ZNF749: variants seen among roughly 807,000 people sequenced by gnomAD.
ZNF749 encodes the protein zinc finger protein 749.
ZNF749 carries 8 observed loss-of-function variants against 7.3 expected under a neutral mutation model. The observed-to-expected ratio is 1.10, with a 90% CI of 0.64 to 1.98. ZNF749 has a LOEUF of 1.98. Among genes scored for constraint, ZNF749 ranks in the 30% most tolerant of loss-of-function variants. ZNF749 has a pLI of 0.00. For synonymous variants in ZNF749, 310 were observed against 322.4 expected (o/e 0.96, Z 0.41); for missense variants, 898 against 932.4 (o/e 0.96, Z 0.48).
Position 57,443,893 on chromosome 19 carries a change from G to T in ZNF749, c.745G>T (p.Glu249Ter). The T allele has an allele frequency of 6.2e-7, 1 of 1,613,654 alleles. No individual in the cohort carries two copies. Among genetic ancestry groups the T allele is most frequent in the Non-Finnish European group, 8.5e-7 (1 of 1,179,610 alleles). ...TAAATATCAGCAAAATCATGCTGGA[G>T]AAAGGCCTTATGAGGGCACTGAATA... ...LIKYQQNHAG[E>*]RPYEGTEYGK... Residue 249 changes from glutamate (E) to a stop codon, truncating the protein, a stop_gained, in exon 3 of 3, where the codon GAA becomes TAA. Coordinates refer to ENST00000334181, the MANE Select transcript of ZNF749 (RefSeq NM_001023561.4). LOFTEE classifies it low-confidence loss of function (END_TRUNC).
chr19:57,431,673 A>G (rs2088899526), upstream of ZNF749, among the ~76,000 whole-genome samples: 1 of 152,162 alleles, frequency 6.6e-6, no homozygotes, highest in African/African-American at 2.4e-5. Flanking sequence ...AGAAAAAAAA[A>G]AAAGAAAAAG....
At chr19:57,434,540 G>A (rs1178934635), upstream of ZNF749, among the ~76,000 whole-genome samples, 3 of 152,040 alleles carry the variant, frequency 2.0e-5, no homozygotes, top group Non-Finnish European at 1.5e-5. Context: ...CCTTTCCAGA[G>A]GAATCCAATG....
At position 57,439,663 on chromosome 19, in the gene ZNF749, A is replaced by G. The variant is rs531307519; in HGVS notation, c.16-2222A>G. Among the ~76,000 whole-genome samples, 4 of 152,300 alleles carry G rather than the reference A, an allele frequency of 2.6e-5. No homozygotes were observed. The South Asian group carries it at 8.3e-4, about 32-fold the overall frequency. ...TCTCAGCTAATCGGCGTGCTGAGGC[A>G]GGAGGGTCACCTGAGCCTGGGAAGT... On this transcript the variant is annotated intron_variant, in intron 1 of 2. Coordinates refer to ENST00000334181, the MANE Select transcript of ZNF749 (RefSeq NM_001023561.4). This position sits in a 1 kb window ranked among gnomAD's most constrained non-coding sequence, Gnocchi z 4.3.
In ZNF749 at chr19:57,441,939, A is replaced by T. The variant is rs1441008204; in HGVS notation, c.70A>T (p.Ile24Phe). ...ATATTTCTCCCAAGAGGAATGGGGGATCCTTAATGATGCTCAGAGACACCT... is the reference window on the plus strand; with the variant it reads ...ATATTTCTCCCAAGAGGAATGGGGGTTCCTTAATGATGCTCAGAGACACCT... ...AIYFSQEEWG[I>F]LNDAQRHLHS... The change falls in exon 2 of 3, where the codon ATC (isoleucine) becomes TTC (phenylalanine). Residue 24 changes from isoleucine to phenylalanine, a missense_variant. Transcript: ENST00000334181. 2.5e-6 allele frequency: 4 copies of T among 1,614,066 alleles called. No individual in the cohort carries two copies. The African/African-American group carries it at 4.0e-5, about 16-fold the overall frequency.
At chr19:57,435,986 G>A (rs1015995303) in intron 1 of ZNF749, among the ~76,000 whole-genome samples, 1 of 152,188 alleles carries the variant, frequency 6.6e-6, no homozygotes, top group African/African-American at 2.4e-5. Context: ...GGGGGCAGGG[G>A]GACCGCTGAG....
Position 57,444,024 on chromosome 19 carries a change from C to T in ZNF749, c.876C>T (p.Leu292=), listed in dbSNP as rs1271651491. 4.3e-6 allele frequency: 7 copies of T among 1,613,834 alleles called. No homozygotes were observed. The highest frequency in any genetic ancestry group is 1.6e-4 in the Middle Eastern group (1 of 6,084). ...ACCCCATTGAACATCAGGAGATTCT[C>T]AGTAGACCAACACCTTATGAATGCA... ...RSDPIEHQEI[L]SRPTPYECTQ... Residue 292 remains leucine (L), a synonymous_variant, in exon 3 of 3, where the codon CTC becomes CTT. Transcript: ENST00000334181.
the ZNF749 span, among the ~76,000 whole-genome samples, chr19:57,429,785 A>G: frequency 6.6e-6 from 1 of 152,300 alleles, no homozygotes; most frequent in South Asian, 2.1e-4. The surrounding 1 kb of genome is among the most constrained non-coding windows in gnomAD (Gnocchi z 4.2). Flanking sequence ...AGTAGCTGAG[A>G]CCACAGGTGC....
chr19:57,443,176 G>A, intron 2 of ZNF749, 115 bp from the exon 3 acceptor site: 3 of 878,122 alleles, frequency 3.4e-6, no homozygotes, highest in Non-Finnish European at 5.3e-6. Flanking sequence ...TTATTTCCTT[G>A]CCTGTGACCA....
At chr19:57,434,190 C>T (rs2123086729), upstream of ZNF749, among the ~76,000 whole-genome samples, 1 of 152,238 alleles carries the variant, frequency 6.6e-6, no homozygotes, top group Middle Eastern at 3.4e-3. Flanking sequence ...CTCCGCCTCC[C>T]GGGTTCAAGC....
In ZNF749 at chr19:57,435,591, G is replaced by A. The variant is rs373773121; in HGVS notation, c.13G>A (p.Glu5Lys). The change falls in exon 1 of 3, where the codon GAG becomes AAG. Residue 5 changes from glutamate (E) to lysine (K), a missense_variant and splice_region_variant. Glu to Lys is a moderately conservative substitution (Grantham distance 56). Coordinates refer to ENST00000334181, the MANE Select transcript of ZNF749 (RefSeq NM_001023561.4). MNLT[E>K]DCMVFEDVAI... The stretch of plus-strand genomic sequence containing the variant: ...GGAGGCCGCGCCGATGAACCTGACC[G>A]AGGTGCGTGCAGCGTCCCAGGCCGC... The A allele has an allele frequency of 1.6e-5, 26 of 1,606,216 alleles. No individual in the cohort carries two copies. In the East Asian group the frequency reaches 3.8e-4, roughly 24 times the overall value.
At chr19:57,435,173 G>A (rs1191987851), upstream of ZNF749, among the ~76,000 whole-genome samples, 1 of 152,214 alleles carries the variant, frequency 6.6e-6, no homozygotes, top group African/African-American at 2.4e-5. Context: ...AGGCAGCAGC[G>A]TGGGAACTAC....
the ZNF749 span, among the ~76,000 whole-genome samples, chr19:57,429,669 AG>A: frequency 1.3e-4 from 19 of 151,810 alleles, no homozygotes; most frequent in East Asian, 3.7e-3. The surrounding 1 kb of genome is among the most constrained non-coding windows in gnomAD (Gnocchi z 4.2). Flanking sequence ...TTATTTTTTG[AG>A]GCAGGTCTTC....
upstream of ZNF749, among the ~76,000 whole-genome samples, chr19:57,431,613 A>G (rs1348101450): frequency 6.6e-6 from 1 of 152,148 alleles, no homozygotes; most frequent in Non-Finnish European, 1.5e-5. Flanking sequence ...AGCATGCAGA[A>G]AATCTGAGAA....
chr19:57,429,030 T>G, the ZNF749 span, among the ~76,000 whole-genome samples: 2,009 of 152,110 alleles, frequency 0.013, 36 homozygotes, highest in African/African-American at 0.046. The surrounding 1 kb of genome is among the most constrained non-coding windows in gnomAD (Gnocchi z 4.2). Context: ...GAATACTTTT[T>G]TTTGTGTGTG....
At position 57,444,490 on chromosome 19, in the gene ZNF749, G is replaced by C. The variant is rs1287691492; in HGVS notation, c.1342G>C (p.Val448Leu). ...YECTECEKAF[V>L]RKSHLVQHQK... ...GTGCACTGAATGTGAGAAGGCCTTTGTTAGAAAGTCCCACCTAGTTCAGCA... is the reference window on the plus strand; with the variant it reads ...GTGCACTGAATGTGAGAAGGCCTTTCTTAGAAAGTCCCACCTAGTTCAGCA... The change falls in exon 3 of 3, where the codon GTT (valine) becomes CTT (leucine). Residue 448 changes from valine (V) to leucine (L), a missense_variant. By Grantham distance (32) the Val-to-Leu change is conservative. Transcript: ENST00000334181. 6.2e-7 allele frequency: 1 copy of C among 1,613,814 alleles called. No individual in the cohort carries two copies. Among genetic ancestry groups the C allele is most frequent in the South Asian group, 1.1e-5 (1 of 91,072 alleles).
At chr19:57,441,624 C>A (rs1157976474) in intron 1 of ZNF749, among the ~76,000 whole-genome samples, 1 of 152,036 alleles carries the variant, frequency 6.6e-6, no homozygotes, top group Non-Finnish European at 1.5e-5. Flanking sequence ...CAGTGGTTTG[C>A]ATAAGTCTGG....
intron 1 of ZNF749, among the ~76,000 whole-genome samples, chr19:57,440,321 T>G (rs1259137822): frequency 6.6e-6 from 1 of 151,436 alleles, no homozygotes; most frequent in Non-Finnish European, 1.5e-5. Flanking sequence ...GGATTAGGAT[T>G]AGGGGGATAG....
chr19:57,431,485 C>T (rs1335394920), upstream of ZNF749, among the ~76,000 whole-genome samples: 6 of 152,030 alleles, frequency 3.9e-5, no homozygotes, highest in East Asian at 1.9e-4. Flanking sequence ...TCAATTTAGA[C>T]GATCCAATAA....
Position 57,444,124 on chromosome 19 carries a change from T to C in ZNF749, c.976T>C (p.Tyr326His). The C allele has an allele frequency of 6.2e-7, 1 of 1,613,992 alleles. No homozygotes were observed. The highest frequency in any genetic ancestry group is 2.2e-5 in the East Asian group (1 of 44,844). Reference protein sequence around the residue: ...HQKTHTGEQPYECNKCGKFFM... With the variant: ...HQKTHTGEQPHECNKCGKFFM... ...GAAAACCCATACTGGAGAACAGCCC[T>C]ATGAATGCAACAAGTGTGGGAAGTT... The change falls in exon 3 of 3, where the codon TAT becomes CAT. Residue 326 changes from tyrosine to histidine, a missense_variant. Physicochemically the swap from Tyr to His is moderately conservative, Grantham distance 83. Transcript: ENST00000334181.
Sources: allele counts gnomAD v4.1 joint callset (sites outside exome capture counted in the v4.1 genomes callset), GRCh38; gene constraint gnomAD v4.1.1; non-coding constraint Gnocchi (gnomAD v3.1); transcripts MANE v1.5; gene names NCBI Gene and HGNC (gene_info 2026-07-23, HGNC 2026-07-21).